The following CSMD1 variants were observed in gnomAD, a reference collection of about 807,000 sequenced individuals.
The protein encoded by CSMD1 is CUB and Sushi multiple domains 1.
Under a neutral mutation model 417.5 loss-of-function variants are expected in CSMD1, and 213 were observed. That is an observed-to-expected ratio of 0.51 (90% confidence interval 0.46 to 0.57). The LOEUF (loss-of-function observed/expected upper bound fraction) is 0.57. Among genes scored for constraint, CSMD1 ranks in the 20% least tolerant of loss-of-function variants. The pLI is 0.00. For synonymous variants in CSMD1, 2,862 were observed against 1,736.8 expected (o/e 1.65, Z -16.11); for missense variants, 6,923 against 4,529.7 (o/e 1.53, Z -15.17).
At chr8:4,423,926 C>G (rs913581049) in intron 2 of CSMD1, among the ~76,000 whole-genome samples, 3 of 151,998 alleles carry the variant, frequency 2.0e-5, no homozygotes, top group Admixed American at 6.6e-5. Context: ...GAACAAATAT[C>G]TCCAATTTAT....
chr8:4,931,101 C>T (rs1264038869), intron 1 of CSMD1, among the ~76,000 whole-genome samples: 1 of 152,144 alleles, frequency 6.6e-6, no homozygotes, highest in Non-Finnish European at 1.5e-5. Flanking sequence ...ATATAGATAT[C>T]TTCATTTTCC....
chr8:3,879,629 G>A (rs1253862471), intron 5 of CSMD1, among the ~76,000 whole-genome samples: 1 of 152,084 alleles, frequency 6.6e-6, no homozygotes, highest in Admixed American at 6.5e-5. Context: ...TTTCAGAAAT[G>A]AAAAAGCACA....
At chr8:4,300,854 G>C (rs927740197) in intron 3 of CSMD1, among the ~76,000 whole-genome samples, 1 of 152,154 alleles carries the variant, frequency 6.6e-6, no homozygotes, top group Non-Finnish European at 1.5e-5. Flanking sequence ...TCCCTACAAA[G>C]GACATGAACT....
chr8:3,660,478 G>A (rs556406131), intron 7 of CSMD1, among the ~76,000 whole-genome samples: 31 of 125,640 alleles, frequency 2.5e-4, no homozygotes, highest in African/African-American at 8.1e-4. Flanking sequence ...CAGATCAAGT[G>A]GCTTTTTTTT....
chr8:4,213,219 T>C (rs890692431), intron 3 of CSMD1, among the ~76,000 whole-genome samples: 1 of 152,194 alleles, frequency 6.6e-6, no homozygotes, highest in African/African-American at 2.4e-5. Flanking sequence ...TGGGTACTTG[T>C]TGTCTATGAA....
intron 26 of CSMD1, among the ~76,000 whole-genome samples, chr8:3,282,063 G>A (rs540403212): frequency 1.0e-3 from 155 of 152,212 alleles, no homozygotes; most frequent in African/African-American, 3.7e-3. Flanking sequence ...CATGCCTTCT[G>A]TACAGCCTGC....
At chr8:3,475,173 C>G (rs1032551605) in intron 11 of CSMD1, among the ~76,000 whole-genome samples, 1 of 146,920 alleles carries the variant, frequency 6.8e-6, no homozygotes, top group Admixed American at 7.0e-5. Flanking sequence ...CATTTCTTAG[C>G]CTCTTGAAGC....
At chr8:3,880,310 A>G (rs574421643) in intron 5 of CSMD1, among the ~76,000 whole-genome samples, 1 of 152,322 alleles carries the variant, frequency 6.6e-6, no homozygotes, top group African/African-American at 2.4e-5. Context: ...ACATTTTTCA[A>G]AAACTATCCC....
intron 3 of CSMD1, among the ~76,000 whole-genome samples, chr8:4,281,749 T>G (rs1220195785): frequency 6.6e-6 from 1 of 152,224 alleles, no homozygotes; most frequent in Admixed American, 6.5e-5. Context: ...TGTCTCTACT[T>G]GTTTTCAAAA....
chr8:3,393,020 T>G (rs975460152), intron 17 of CSMD1, among the ~76,000 whole-genome samples: 3 of 152,226 alleles, frequency 2.0e-5, no homozygotes, highest in African/African-American at 7.2e-5. Context: ...AGCCATGTCC[T>G]GAACCTCATT....
intron 1 of CSMD1, among the ~76,000 whole-genome samples, chr8:4,685,306 G>A (rs910038348): frequency 6.6e-6 from 1 of 152,160 alleles, no homozygotes; most frequent in African/African-American, 2.4e-5. Context: ...AGGCGTGTTG[G>A]CTCATGCCTG....
At chr8:3,961,719 G>C (rs959900795) in intron 5 of CSMD1, among the ~76,000 whole-genome samples, 2 of 152,190 alleles carry the variant, frequency 1.3e-5, no homozygotes, top group African/African-American at 4.8e-5. Flanking sequence ...ATACTCATGG[G>C]AGCATTTCCT....
chr8:4,213,022 A>G (rs988106318), intron 3 of CSMD1, among the ~76,000 whole-genome samples: 11 of 152,106 alleles, frequency 7.2e-5, no homozygotes, highest in African/African-American at 2.2e-4. Context: ...TCTTATTTTT[A>G]AAACTGAGTT....
intron 1 of CSMD1, among the ~76,000 whole-genome samples, chr8:4,926,348 T>G (rs1345757706): frequency 1.3e-5 from 2 of 152,240 alleles, no homozygotes; most frequent in Non-Finnish European, 2.9e-5. Context: ...ACCTTTGCTC[T>G]GACCCCACCA....
chr8:3,253,210 G>T (rs1800402115), intron 26 of CSMD1, among the ~76,000 whole-genome samples: 1 of 151,996 alleles, frequency 6.6e-6, no homozygotes, highest in African/African-American at 2.4e-5. Flanking sequence ...ATGTGTCCCA[G>T]AGATTCTGGT....
At chr8:3,727,151 T>A (rs552140486) in intron 6 of CSMD1, among the ~76,000 whole-genome samples, 6 of 152,366 alleles carry the variant, frequency 3.9e-5, no homozygotes, top group South Asian at 4.1e-4. Context: ...GGTTAAAAAG[T>A]GTTTCATTTT....
chr8:4,055,993 G>A (rs2554526), intron 3 of CSMD1, among the ~76,000 whole-genome samples: 4,533 of 150,496 alleles, frequency 0.03, 225 homozygotes, highest in African/African-American at 0.1. Context: ...AGAAGGCTCT[G>A]TTATGGAAAA....
intron 1 of CSMD1, among the ~76,000 whole-genome samples, chr8:4,745,640 G>C (rs535928463): frequency 7.4e-4 from 113 of 152,286 alleles, no homozygotes; most frequent in African/African-American, 2.7e-3. Flanking sequence ...AGAGTAGAGA[G>C]AAGTAGAAAT....
chr8:3,174,484 T>G (rs571409915), intron 37 of CSMD1, among the ~76,000 whole-genome samples: 1 of 152,226 alleles, frequency 6.6e-6, no homozygotes, highest in South Asian at 2.1e-4. Flanking sequence ...CAGAGTGAGA[T>G]TCTGTCTCAA....
Sources: allele counts gnomAD v4.1 joint callset (sites outside exome capture counted in the v4.1 genomes callset), GRCh38; gene constraint gnomAD v4.1.1; transcripts MANE v1.5; gene names NCBI Gene and HGNC (gene_info 2026-07-23, HGNC 2026-07-21).